POLB: variants seen among roughly 807,000 people sequenced by gnomAD.
The protein encoded by POLB is 5'-dRP lyase.
In POLB, 37 loss-of-function variants were observed where a neutral mutation model predicts 52.7. That is an observed-to-expected ratio of 0.70 (90% CI 0.54 to 0.92). The LOEUF is 0.92. POLB is among the 40% of genes least tolerant of loss of function. The pLI is 0.00. For missense variants in POLB, 313 were observed against 400.8 expected (o/e 0.78, Z 1.87); for synonymous variants, 138 against 131.3 (o/e 1.05, Z -0.35).
chr8:42,370,796 A>AG (rs1824337939), intron 13 of POLB, among the ~76,000 whole-genome samples: 1 of 152,230 alleles, frequency 6.6e-6, no homozygotes, highest in Non-Finnish European at 1.5e-5. Flanking sequence ...TGAGCTTTAA[A>AG]GAAAAAAATC....
chr8:42,361,228 C>A, intron 9 of POLB, 67 bp from the exon 10 acceptor site: 1 of 1,052,530 alleles, frequency 9.5e-7, no homozygotes. Context: ...GTGTCATCAG[C>A]TTGGTTCCAT....
intron 11 of POLB, among the ~76,000 whole-genome samples, chr8:42,364,777 G>T (rs1257139842): frequency 6.6e-6 from 1 of 152,164 alleles, no homozygotes; most frequent in Non-Finnish European, 1.5e-5. Flanking sequence ...AGTGGTGTTT[G>T]CCAGGGCCTG....
At chr8:42,365,610 A>G (rs1220977469) in intron 11 of POLB, among the ~76,000 whole-genome samples, 2 of 152,220 alleles carry the variant, frequency 1.3e-5, no homozygotes, top group Non-Finnish European at 2.9e-5. Context: ...TTCCTCAAGT[A>G]TCATCCCTGT....
At chr8:42,352,616 A>G (rs374278777) in intron 6 of POLB, 48 bp downstream of exon 6, 10 of 1,082,620 alleles carry the variant, frequency 9.2e-6, no homozygotes, top group Non-Finnish European at 1.3e-5. Flanking sequence ...ATGGTCCTGA[A>G]GGACCATTAG....
At chr8:42,357,878 C>T (rs984419291) in intron 9 of POLB, 3 of 152,408 alleles carry the variant, frequency 2.0e-5, no homozygotes, top group African/African-American at 7.2e-5. Context: ...AGGCGTGTGC[C>T]ACCATGCCCA....
intron 9 of POLB, 122 bp downstream of exon 9, chr8:42,357,514 A>T (rs573688891): frequency 1.6e-6 from 1 of 611,590 alleles, no homozygotes; most frequent in Non-Finnish European, 2.9e-6. Context: ...AAGACCTAGT[A>T]GTATTAGTTA....
intron 2 of POLB, chr8:42,341,917 T>G: frequency 1.5e-6 from 1 of 659,366 alleles, no homozygotes; most frequent in South Asian, 1.6e-5. Context: ...GATTCTCTCC[T>G]ATAGCAGCAT....
chr8:42,338,501 C>A lies in POLB; in HGVS notation c.-124C>A. 2 of 827,288 alleles carry A rather than the reference C, an allele frequency of 2.4e-6. No individual in the cohort carries two copies. Among genetic ancestry groups the A allele is most frequent in the Non-Finnish European group, 4.1e-6 (2 of 485,420 alleles). 51.2% of individuals were successfully genotyped at this position (827,288 alleles called of 1,614,324 possible). ...CCCCCATCGGGGGCAACCATTGTTC[C>A]GCCGGTCGCGCCGGAGCTGGGTTGC... On this transcript the variant is annotated 5_prime_UTR_variant, in exon 1 of 14. Transcript: ENST00000265421.
intron 4 of POLB, 79 bp from the exon 5 acceptor site, chr8:42,349,928 G>T: frequency 1.0e-6 from 1 of 962,418 alleles, no homozygotes; most frequent in East Asian, 2.4e-5. Flanking sequence ...TCTTTTAGCA[G>T]ACTGGTATGT....
intron 3 of POLB, among the ~76,000 whole-genome samples, chr8:42,347,365 GTAATTCTAGAAATTATTCTAGAAT>G (rs1822693679): frequency 8.2e-6 from 1 of 121,394 alleles, no homozygotes; most frequent in Admixed American, 8.0e-5. Context: ...TTACTCCTCA[GTAATTCTAGAAATTATTCTAGAAT>G]TACTCCTCAG....
intron 4 of POLB, chr8:42,349,297 C>T (rs940181447): frequency 3.1e-5 from 13 of 423,128 alleles, no homozygotes; most frequent in South Asian, 9.6e-5. Context: ...TATTAACACC[C>T]GTAATAGAGT....
chr8:42,366,882 A>G (rs781518389), intron 11 of POLB, among the ~76,000 whole-genome samples: 14 of 152,238 alleles, frequency 9.2e-5, no homozygotes, highest in East Asian at 5.8e-4. Context: ...TATTTGATGT[A>G]CAAATAAGAA....
intron 11 of POLB, among the ~76,000 whole-genome samples, chr8:42,368,322 G>C (rs1824168255): frequency 6.6e-6 from 1 of 152,212 alleles, no homozygotes; most frequent in South Asian, 2.1e-4. Context: ...TATTTTGAAG[G>C]TAAACATATT....
At chr8:42,356,486 T>G (rs192418267) in intron 7 of POLB, among the ~76,000 whole-genome samples, 1 of 152,230 alleles carries the variant, frequency 6.6e-6, no homozygotes, top group South Asian at 2.1e-4. Context: ...TCAGTGACTT[T>G]TAGTATATTC....
At chr8:42,350,249 TC>T (rs1346108398) in intron 5 of POLB, among the ~76,000 whole-genome samples, 184 bp downstream of exon 5, 2 of 152,114 alleles carry the variant, frequency 1.3e-5, no homozygotes, top group Non-Finnish European at 2.9e-5. Flanking sequence ...TACTGTAAGG[TC>T]CCCATCCAAG....
At chr8:42,340,171 C>G (rs575436632) in intron 2 of POLB, 1 of 152,328 alleles carries the variant, frequency 6.6e-6, no homozygotes, top group African/African-American at 2.4e-5. Flanking sequence ...TAATGGCACT[C>G]TTTCTGGTCT....
intron 5 of POLB, among the ~76,000 whole-genome samples, chr8:42,351,074 T>C (rs1012086762): frequency 2.6e-5 from 4 of 152,116 alleles, no homozygotes; most frequent in African/African-American, 9.7e-5. Flanking sequence ...GAGGTCTCCC[T>C]ATGTTGCCTA....
Position 42,371,135 on chromosome 8 carries a change from T to C in POLB, c.914-428T>C, listed in dbSNP as rs1824359588. Among the ~76,000 whole-genome samples the C allele has an allele frequency of 2.6e-5, 4 of 152,318 alleles. No homozygotes were observed. The South Asian group carries it at 8.3e-4, about 32-fold the overall frequency. On this transcript the variant is annotated intron_variant, in intron 13 of 13. Coordinates refer to ENST00000265421, the MANE Select transcript of POLB (RefSeq NM_002690.3). Reference sequence around the variant, plus strand: ...GAGGATAGAGGTAGTCAGTGTCTTTTTTTTTGAAATGGAGTTTCGCTCTTG... The same window carrying C: ...GAGGATAGAGGTAGTCAGTGTCTTTCTTTTTGAAATGGAGTTTCGCTCTTG...
At chr8:42,342,471 T>C (rs1193591750) in intron 2 of POLB, 1 of 1,123,222 alleles carries the variant, frequency 8.9e-7, no homozygotes, top group East Asian at 2.3e-5. Flanking sequence ...CTCTGTTTGT[T>C]ATATGAACTA....
Sources: allele counts gnomAD v4.1 joint callset (sites outside exome capture counted in the v4.1 genomes callset), GRCh38; gene constraint gnomAD v4.1.1; transcripts MANE v1.5; gene names NCBI Gene and HGNC (gene_info 2026-07-23, HGNC 2026-07-21).